The following GRIK2 variants were observed in gnomAD, a reference collection of about 807,000 sequenced individuals.
GRIK2 encodes the protein glutamate ionotropic receptor kainate type subunit 2.
Under a neutral mutation model 100.3 loss-of-function variants are expected in GRIK2, and 32 were observed. That is an observed-to-expected ratio of 0.32 (90% CI 0.24 to 0.43). The LOEUF is 0.43. GRIK2 is among the 20% of genes least tolerant of loss of function. The pLI, the probability that GRIK2 is intolerant of heterozygous loss-of-function variation, is 1.00. For synonymous variants in GRIK2, 417 were observed against 389.4 expected (o/e 1.07, Z -0.83); for missense variants, 843 against 1,114.9 (o/e 0.76, Z 3.47).
At chr6:101,529,913 T>C (rs1219776811) in intron 2 of GRIK2, among the ~76,000 whole-genome samples, 1 of 152,082 alleles carries the variant, frequency 6.6e-6, no homozygotes, top group African/African-American at 2.4e-5. Flanking sequence ...TTGCCTTTTG[T>C]TGTCCATCAA....
rs560154236 is a variant in GRIK2 at position 101,826,715 on chromosome 6, T to C, written c.1317+8232T>C. On this transcript the variant is annotated intron_variant, in intron 10 of 16. Transcript: ENST00000369134. ...TAAATTAAACTACCCAAAATTTTAATGACCAAAATAGAAATTATCAGCAGA... is the reference window on the plus strand; with the variant it reads ...TAAATTAAACTACCCAAAATTTTAACGACCAAAATAGAAATTATCAGCAGA... Among the ~76,000 whole-genome samples, 3 of 151,940 alleles carry C rather than the reference T, an allele frequency of 2.0e-5. No homozygotes were observed. In the South Asian group the frequency reaches 6.2e-4, roughly 31 times the overall value.
chr6:101,787,208 CT>C (rs1018721398), intron 7 of GRIK2, among the ~76,000 whole-genome samples: 8 of 150,924 alleles, frequency 5.3e-5, no homozygotes, highest in African/African-American at 1.7e-4. Flanking sequence ...GGTCTTTCAT[CT>C]TTTTTTTCTT....
chr6:101,668,906 G>C (rs557503713), intron 4 of GRIK2, among the ~76,000 whole-genome samples: 1 of 152,224 alleles, frequency 6.6e-6, no homozygotes, highest in South Asian at 2.1e-4. Context: ...ATTGATGACA[G>C]TCTCTTAAAA....
chr6:101,629,114 G>C (rs181760375), intron 4 of GRIK2, among the ~76,000 whole-genome samples: 24 of 152,134 alleles, frequency 1.6e-4, no homozygotes, highest in African/African-American at 5.8e-4. Flanking sequence ...TGTATAGCTA[G>C]TTGATTATAT....
intron 6 of GRIK2, among the ~76,000 whole-genome samples, chr6:101,685,881 T>C (rs1438001187): frequency 6.6e-6 from 1 of 152,084 alleles, no homozygotes; most frequent in Non-Finnish European, 1.5e-5. Context: ...CAAGCTATCC[T>C]AAACAGAGAG....
chr6:101,634,879 C>G (rs369977481), intron 4 of GRIK2, among the ~76,000 whole-genome samples: 2 of 151,684 alleles, frequency 1.3e-5, no homozygotes, highest in African/African-American at 4.8e-5. Flanking sequence ...ATGAAGTATA[C>G]TTATAGATTG....
chr6:101,868,224 A>C (rs1376447425), intron 11 of GRIK2, among the ~76,000 whole-genome samples: 3 of 151,498 alleles, frequency 2.0e-5, no homozygotes, highest in Non-Finnish European at 4.4e-5. Context: ...AAAAAGCTTC[A>C]ATGTCTTCTT....
At chr6:101,572,669 C>T (rs1006257256) in intron 2 of GRIK2, among the ~76,000 whole-genome samples, 12 of 150,554 alleles carry the variant, frequency 8.0e-5, no homozygotes, top group Admixed American at 6.6e-4. Flanking sequence ...TAGTTCAAAA[C>T]GTACCCTGAG....
chr6:101,951,851 C>G (rs1417164), intron 14 of GRIK2, among the ~76,000 whole-genome samples: 2,184 of 152,274 alleles, frequency 0.014, 72 homozygotes, highest in African/African-American at 0.051. Flanking sequence ...GTCCATTAAA[C>G]CTCTTTTTCT....
chr6:101,756,985 C>T (rs376019094), intron 7 of GRIK2, among the ~76,000 whole-genome samples: 7 of 152,040 alleles, frequency 4.6e-5, no homozygotes, highest in East Asian at 3.9e-4. Context: ...TTTTGAAAAG[C>T]GACCTTCTGA....
chr6:101,764,312 A>G (rs751798178), intron 7 of GRIK2, among the ~76,000 whole-genome samples: 14 of 152,140 alleles, frequency 9.2e-5, no homozygotes, highest in African/African-American at 1.7e-4. Flanking sequence ...TGGAAACTCA[A>G]TATCATCTTC....
intron 2 of GRIK2, among the ~76,000 whole-genome samples, chr6:101,573,888 T>A (rs937433348): frequency 2.0e-5 from 3 of 152,192 alleles, no homozygotes; most frequent in African/African-American, 7.2e-5. Flanking sequence ...AAAAGCTTGT[T>A]CTAGAGAAAT....
At chr6:101,956,038 A>C (rs927678313) in intron 14 of GRIK2, among the ~76,000 whole-genome samples, 5 of 152,032 alleles carry the variant, frequency 3.3e-5, no homozygotes, top group Admixed American at 6.6e-5. Flanking sequence ...TACATTTATA[A>C]ATTTCTCTCT....
At chr6:101,865,246 CCA>C (rs1418268668) in intron 11 of GRIK2, among the ~76,000 whole-genome samples, 1 of 152,182 alleles carries the variant, frequency 6.6e-6, no homozygotes, top group African/African-American at 2.4e-5. Context: ...ACTCACGATG[CCA>C]CAGATTTCCA....
chr6:101,857,999 A>G (rs1439299718), intron 10 of GRIK2, among the ~76,000 whole-genome samples: 2 of 152,100 alleles, frequency 1.3e-5, no homozygotes, highest in Non-Finnish European at 2.9e-5. Flanking sequence ...CTTGGCTTGA[A>G]ATACTCTGTT....
chr6:101,605,053 C>T (rs1244695142), intron 2 of GRIK2, among the ~76,000 whole-genome samples: 1 of 151,886 alleles, frequency 6.6e-6, no homozygotes, highest in Non-Finnish European at 1.5e-5. Context: ...TGGATATCAT[C>T]CTATGACAGA....
At chr6:101,747,636 A>T (rs759382019) in intron 7 of GRIK2, among the ~76,000 whole-genome samples, 1 of 152,160 alleles carries the variant, frequency 6.6e-6, no homozygotes, top group African/African-American at 2.4e-5. Context: ...CAATATTAAT[A>T]TATTTCTGAA....
chr6:101,566,070 T>C (rs1014519326), intron 2 of GRIK2, among the ~76,000 whole-genome samples: 9 of 151,334 alleles, frequency 5.9e-5, no homozygotes, highest in Non-Finnish European at 5.9e-5. Flanking sequence ...GTCATCTTCA[T>C]ACTGAGTAAG....
chr6:102,006,390 A>ATATATTTTTTTTTTTTTTTT (rs1315524835), intron 14 of GRIK2, among the ~76,000 whole-genome samples: 1 of 114,104 alleles, frequency 8.8e-6, no homozygotes, highest in African/African-American at 4.6e-5. Flanking sequence ...ATATATATAT[A>ATATATTTTTTTTTTTTTTTT]TTTTTTTTTT....
Sources: allele counts gnomAD v4.1 joint callset (sites outside exome capture counted in the v4.1 genomes callset), GRCh38; gene constraint gnomAD v4.1.1; transcripts MANE v1.5; gene names NCBI Gene and HGNC (gene_info 2026-07-23, HGNC 2026-07-21).